SUMO3: variants seen among roughly 807,000 people sequenced by gnomAD.
SUMO3 encodes the protein small ubiquitin like modifier 3.
SUMO3 carries 2 observed loss-of-function variants against 11.1 expected under a neutral mutation model. The ratio of observed to expected loss-of-function variants is 0.18; its 90% CI spans 0.07 to 0.57. The LOEUF is 0.57. SUMO3 is among the 20% of genes least tolerant of loss of function. SUMO3 has a pLI of 0.92. For missense variants in SUMO3, 70 were observed against 132.8 expected (o/e 0.53, Z 2.32); for synonymous variants, 56 against 53.5 (o/e 1.05, Z -0.20).
rs2083211832 is a variant in SUMO3 at position 44,811,400 on chromosome 21, C to T, written c.151-2282G>A. ...ACCAGCCTGGACCACATAAGGAGAC[C>T]CCATCTCCACAAAATAAAAAAATGA... is the stretch of plus-strand genomic sequence containing the variant. On this transcript the variant is annotated intron_variant, in intron 2 of 3. Transcript: ENST00000332859. The surrounding 1 kb of genome is among the most constrained non-coding windows in gnomAD (Gnocchi z 5.0). 6.6e-6 allele frequency among the ~76,000 whole-genome samples: 1 copy of T among 151,898 alleles called. No homozygotes were observed. Among genetic ancestry groups the T allele is most frequent in the African/African-American group, 2.4e-5 (1 of 41,292 alleles).
chr21:44,812,654 G>T (rs567946117), intron 2 of SUMO3, among the ~76,000 whole-genome samples: 1 of 152,338 alleles, frequency 6.6e-6, no homozygotes, highest in South Asian at 2.1e-4. Context: ...GTTTCTAGAA[G>T]GATTTGAACA....
At chr21:44,815,282 T>C (rs954381366) in intron 1 of SUMO3, among the ~76,000 whole-genome samples, 2 of 152,132 alleles carry the variant, frequency 1.3e-5, no homozygotes, top group Admixed American at 1.3e-4. Flanking sequence ...CCCTGGGGTA[T>C]GCACCCTGGG....
chr21:44,813,384 G>GACAC lies in SUMO3; in HGVS notation c.150+588_150+591dup, dbSNP rs35209448. On this transcript the variant is annotated intron_variant, in intron 2 of 3. Coordinates refer to ENST00000332859, the MANE Select transcript of SUMO3 (RefSeq NM_006936.3). The stretch of plus-strand genomic sequence containing the variant: ...CGCCACAGCGTTACCAAGAACAACA[G>GACAC]ACACACACACACCACGTCACAAACA... 49 of 169,174 alleles carry GACAC rather than the reference G, an allele frequency of 2.9e-4. 2 individuals carry two copies. In the Middle Eastern group the frequency reaches 8.5e-3, roughly 29 times the overall value. The allele number at this position is 169,174 out of a possible 1,614,324, so 10.5% of individuals were successfully genotyped here. A position where few individuals can be genotyped will look rare whatever the true frequency, so the allele number is the denominator to read the frequency against.
chr21:44,814,591 T>C (rs906598212), intron 1 of SUMO3, among the ~76,000 whole-genome samples: 1 of 152,194 alleles, frequency 6.6e-6, no homozygotes, highest in African/African-American at 2.4e-5. Flanking sequence ...GTCATGCAGC[T>C]ATACAGCACT....
At chr21:44,812,053 C>CTT (rs386394862) in intron 2 of SUMO3, among the ~76,000 whole-genome samples, 3,746 of 80,778 alleles carry the variant, frequency 0.046, 439 homozygotes, top group Middle Eastern at 0.16. Flanking sequence ...AACTTCTCAC[C>CTT]TTTTTTTTTT....
chr21:44,807,027 T>A lies in SUMO3; in HGVS notation c.236A>T (p.Asp79Val). The change falls in exon 4 of 4, where the codon GAC becomes GTC. Residue 79 changes from aspartate (D) to valine (V), a missense_variant. Physicochemically the swap from Asp to Val is radical, Grantham distance 152. Coordinates refer to ENST00000332859, the MANE Select transcript of SUMO3 (RefSeq NM_006936.3). This position sits in a 1 kb window ranked among gnomAD's most constrained non-coding sequence, Gnocchi z 4.3. The stretch of plus-strand genomic sequence containing the variant: ...CTGGAACACGTCGATGGTGTCCTCG[T>A]CCTCCATCTCCAGCTGTCATGGTTG... ...TDTPAQLEME[D>V]EDTIDVFQQQ... The A allele has an allele frequency of 1.2e-6, 2 of 1,613,876 alleles. No individual in the cohort carries two copies.
At position 44,805,869 on chromosome 21, in the gene SUMO3, G is replaced by A. The variant is rs1313376991; in HGVS notation, c.*1082C>T. The A allele has an allele frequency of 2.1e-4, 32 of 152,620 alleles. No homozygotes were observed. Among genetic ancestry groups the A allele is most frequent in the Admixed American group, 2.1e-3 (32 of 15,276 alleles). The allele number at this position is 152,620 out of a possible 1,614,324, so 9.5% of individuals were successfully genotyped here. ...AGGGAAGGACAATAGGCAGAACTAT[G>A]AAAATGTTTAATTGGTATAGATCCC... On this transcript the variant is annotated 3_prime_UTR_variant, in exon 4 of 4. Transcript: ENST00000332859.
rs920506682 is a variant in SUMO3, at chr21:44,806,443, A to T, written c.*508T>A. 1 of 152,908 alleles carries T rather than the reference A, an allele frequency of 6.5e-6. No individual in the cohort carries two copies. The highest frequency in any genetic ancestry group is 2.4e-5 in the African/African-American group (1 of 41,436). 9.5% of individuals were successfully genotyped at this position (152,908 alleles called of 1,614,324 possible). On this transcript the variant is annotated 3_prime_UTR_variant, in exon 4 of 4. Coordinates refer to ENST00000332859, the MANE Select transcript of SUMO3 (RefSeq NM_006936.3). ...TATACTGACAAAGCTTAAATTTGCAATATTTAGCATTTTAATCACCTGTGC... is the reference window on the plus strand; with the variant it reads ...TATACTGACAAAGCTTAAATTTGCATTATTTAGCATTTTAATCACCTGTGC...
intron 2 of SUMO3, 122 bp from the exon 3 acceptor site, chr21:44,809,240 A>G (rs2083196263): frequency 2.2e-6 from 2 of 906,398 alleles, no homozygotes; most frequent in African/African-American, 3.3e-5. Context: ...ACATTTCCAG[A>G]TACGGCTTAA....
chr21:44,807,065 C>T lies in SUMO3; in HGVS notation c.223-25G>A, dbSNP rs551550373. On this transcript the variant is annotated intron_variant, in intron 3 of 3. Transcript: ENST00000332859. This position sits in a 1 kb window ranked among gnomAD's most constrained non-coding sequence, Gnocchi z 4.3. The stretch of plus-strand genomic sequence containing the variant: ...GCTGTCATGGTTGTCACAACAGGCA[C>T]AGCGAGAGAGAGGGGAGCCTGTTAG... 2 of 1,611,948 alleles carry T rather than the reference C, an allele frequency of 1.2e-6. No individual in the cohort carries two copies. The highest frequency in any genetic ancestry group is 2.7e-5 in the African/African-American group (2 of 75,002).
chr21:44,812,767 C>G (rs577737201), intron 2 of SUMO3, among the ~76,000 whole-genome samples: 38 of 152,328 alleles, frequency 2.5e-4, no homozygotes, highest in South Asian at 1.2e-3. Context: ...GAGCCCCCCC[C>G]ACATGTACAC....
intron 2 of SUMO3, chr21:44,813,575 T>C: frequency 2.1e-6 from 1 of 487,424 alleles, no homozygotes; most frequent in Non-Finnish European, 3.7e-6. Flanking sequence ...GGCCAGCTCA[T>C]ACGCGAGGAC....
chr21:44,811,015 T>C lies in SUMO3; in HGVS notation c.151-1897A>G, dbSNP rs535175407. 1.1e-3 allele frequency among the ~76,000 whole-genome samples: 70 copies of C among 63,624 alleles called. No homozygotes were observed. The highest frequency in any genetic ancestry group is 4.3e-3 in the African/African-American group (65 of 14,964). 41.7% of individuals were successfully genotyped at this position (63,624 alleles called of 152,430 possible). On this transcript the variant is annotated intron_variant, in intron 2 of 3. Coordinates refer to ENST00000332859, the MANE Select transcript of SUMO3 (RefSeq NM_006936.3). The surrounding 1 kb of genome is among the most constrained non-coding windows in gnomAD (Gnocchi z 5.0). ...ACACCCACACATGCACACACCCACA[T>C]ATGCACACACGCACACACCCACATA...
In SUMO3 at chr21:44,807,124, A is replaced by C. The variant is rs1012041629; in HGVS notation, c.223-84T>G. ...AGAGAGTGGGAAGATCCTCACTGGC[A>C]TGAGTGTTCCCTGACACTAGCGACA... On this transcript the variant is annotated intron_variant, in intron 3 of 3. Coordinates refer to ENST00000332859, the MANE Select transcript of SUMO3 (RefSeq NM_006936.3). This position sits in a 1 kb window ranked among gnomAD's most constrained non-coding sequence, Gnocchi z 4.3. 2 of 1,526,096 alleles carry C rather than the reference A, an allele frequency of 1.3e-6. No homozygotes were observed. The highest frequency in any genetic ancestry group is 2.7e-5 in the African/African-American group (2 of 73,512). 94.5% of individuals were successfully genotyped at this position (1,526,096 alleles called of 1,614,324 possible).
Position 44,817,994 on chromosome 21 carries a change from G to A in SUMO3, c.-26C>T. 1.7e-6 allele frequency: 2 copies of A among 1,166,006 alleles called. No homozygotes were observed. Among genetic ancestry groups the A allele is most frequent in the Non-Finnish European group, 1.1e-6 (1 of 949,036 alleles). 72.2% of individuals were successfully genotyped at this position (1,166,006 alleles called of 1,614,324 possible). ...GGCTGCGCGAGCGGCGCGGGGAGGC[G>A]GCGCGGGGGAAGCAGCGCGGAGCGG... On this transcript the variant is annotated 5_prime_UTR_variant, in exon 1 of 4. Transcript: ENST00000332859.
At chr21:44,808,496 C>A (rs893886409) in intron 3 of SUMO3, 2 of 1,443,862 alleles carry the variant, frequency 1.4e-6, no homozygotes, top group African/African-American at 1.5e-5. Flanking sequence ...GCCTGGGCAA[C>A]AAAGCGAGAC....
intron 3 of SUMO3, chr21:44,808,644 G>C: frequency 7.2e-7 from 1 of 1,379,776 alleles, no homozygotes; most frequent in Non-Finnish European, 9.4e-7. Context: ...CTGATAATCA[G>C]GGGTTATGGC....
rs973740211 is a variant in SUMO3, at chr21:44,811,707, C to T, written c.150+2269G>A. Among the ~76,000 whole-genome samples, 5 of 152,066 alleles carry T rather than the reference C, an allele frequency of 3.3e-5. No individual in the cohort carries two copies. Among genetic ancestry groups the T allele is most frequent in the Non-Finnish European group, 7.4e-5 (5 of 68,018 alleles). On this transcript the variant is annotated intron_variant, in intron 2 of 3. Coordinates refer to ENST00000332859, the MANE Select transcript of SUMO3 (RefSeq NM_006936.3). This position sits in a 1 kb window ranked among gnomAD's most constrained non-coding sequence, Gnocchi z 5.0. ...GAAAGATAAAGTTGAAATGACCTCCCGGAAAGAAGCCCAAATGCAACAATA... is the reference window on the plus strand; with the variant it reads ...GAAAGATAAAGTTGAAATGACCTCCTGGAAAGAAGCCCAAATGCAACAATA...
chr21:44,806,927 C>T lies in SUMO3; in HGVS notation c.*24G>A, dbSNP rs201522032. 23 of 1,613,714 alleles carry T rather than the reference C, an allele frequency of 1.4e-5. No homozygotes were observed. The highest frequency in any genetic ancestry group is 1.6e-4 in the Middle Eastern group (1 of 6,082). On this transcript the variant is annotated 3_prime_UTR_variant, in exon 4 of 4. Coordinates refer to ENST00000332859, the MANE Select transcript of SUMO3 (RefSeq NM_006936.3). ...CATTCAACAGCAATGCGAGGATGGACGGCCCGGGCTGGGGACGGGCCCTCT... is the reference window on the plus strand; with the variant it reads ...CATTCAACAGCAATGCGAGGATGGATGGCCCGGGCTGGGGACGGGCCCTCT...
Sources: allele counts gnomAD v4.1 joint callset (sites outside exome capture counted in the v4.1 genomes callset), GRCh38; gene constraint gnomAD v4.1.1; non-coding constraint Gnocchi (gnomAD v3.1); transcripts MANE v1.5; gene names NCBI Gene and HGNC (gene_info 2026-07-23, HGNC 2026-07-21).